F8: variants seen among roughly 807,000 people sequenced by gnomAD.
The protein encoded by F8 is antihemophilic factor.
A neutral mutation model predicts 140.6 loss-of-function variants in F8; 12 were observed. The ratio of observed to expected loss-of-function variants is 0.09; its 90% CI spans 0.05 to 0.14. The LOEUF (loss-of-function observed/expected upper bound fraction) is 0.14. F8 is among the 10% of genes least tolerant of loss of function. The probability of loss-of-function intolerance (pLI) is 1.00; values close to 1 mark genes in which losing one functional copy is unlikely to be tolerated. For synonymous variants in F8, 585 were observed against 614.6 expected (o/e 0.95, Z 0.71); for missense variants, 1,354 against 1,720.7 (o/e 0.79, Z 3.77).
chrX:154,947,412 G>A (rs1205236621), intron 13 of F8, among the ~76,000 whole-genome samples: 4 of 110,658 alleles, frequency 3.6e-5, no homozygotes, highest in African/African-American at 1.3e-4. Flanking sequence ...GTGGCAAAAG[G>A]GGAATGCTTG....
At chrX:154,867,018 C>T (rs28871891) in intron 22 of F8, among the ~76,000 whole-genome samples, 1,387 of 111,340 alleles carry the variant, frequency 0.012, 23 homozygotes, top group African/African-American at 0.043. Context: ...AGAGGAGACA[C>T]TACAACTGAT....
intron 25 of F8, among the ~76,000 whole-genome samples, chrX:154,845,421 C>T (rs2072557619): frequency 9.0e-6 from 1 of 111,572 alleles, no homozygotes; most frequent in South Asian, 3.7e-4. Flanking sequence ...CCGTCTGGTC[C>T]TGGACTTTTT....
At chrX:154,881,424 C>T (rs1557274417) in intron 22 of F8, among the ~76,000 whole-genome samples, 2 of 98,971 alleles carry the variant, frequency 2.0e-5, no homozygotes, top group Non-Finnish European at 4.0e-5. Context: ...ACACATTGTC[C>T]TCCAAGAAGC....
At chrX:154,920,681 G>A (rs1213119498) in intron 14 of F8, among the ~76,000 whole-genome samples, 1 of 111,121 alleles carries the variant, frequency 9.0e-6, no homozygotes, top group Admixed American at 9.6e-5. Context: ...TCAAATGCCT[G>A]GGCTCAAGTG....
At chrX:154,993,246 C>G in intron 3 of F8, 98 bp from the exon 4 acceptor site, 2 of 713,327 alleles carry the variant, frequency 2.8e-6, no homozygotes, top group Non-Finnish European at 2.1e-6. Flanking sequence ...ACATAAGAAA[C>G]GGACTTTCTG....
chrX:154,908,131 T>A (rs921320150), intron 14 of F8, among the ~76,000 whole-genome samples: 17 of 112,135 alleles, frequency 1.5e-4, no homozygotes, highest in African/African-American at 5.2e-4. Flanking sequence ...TGTGAATGGA[T>A]TTTTGTGTAT....
intron 9 of F8, among the ~76,000 whole-genome samples, chrX:154,961,760 G>A (rs1387598123): frequency 9.0e-6 from 1 of 110,838 alleles, no homozygotes; most frequent in Non-Finnish European, 1.9e-5. Context: ...ATGGGAGATC[G>A]GGCATGCCTT....
At chrX:155,021,098 C>T (rs781970624) in intron 1 of F8, among the ~76,000 whole-genome samples, 2 of 111,728 alleles carry the variant, frequency 1.8e-5, no homozygotes, top group African/African-American at 6.5e-5. Flanking sequence ...CTTATATAGC[C>T]AATAAAAATA....
intron 13 of F8, among the ~76,000 whole-genome samples, chrX:154,937,460 C>T (rs1242741403): frequency 9.3e-6 from 1 of 108,093 alleles, no homozygotes; most frequent in Non-Finnish European, 1.9e-5. Context: ...GGAGATATAC[C>T]TAATGCTAGA....
intron 1 of F8, among the ~76,000 whole-genome samples, chrX:155,004,247 C>G (rs782204452): frequency 6.3e-5 from 7 of 111,266 alleles, no homozygotes; most frequent in Non-Finnish European, 1.3e-4. Context: ...AAGTATCCTT[C>G]AAAAATGAAG....
At chrX:155,004,933 G>A (rs1051193422) in intron 1 of F8, among the ~76,000 whole-genome samples, 3 of 111,496 alleles carry the variant, frequency 2.7e-5, no homozygotes, top group Middle Eastern at 4.6e-3. Context: ...AATGGCCATC[G>A]TTTAGTGGGG....
At chrX:154,893,547 C>T (rs1603432686) in intron 22 of F8, among the ~76,000 whole-genome samples, 2 of 111,475 alleles carry the variant, frequency 1.8e-5, no homozygotes, top group East Asian at 2.8e-4. Flanking sequence ...GGTGGATATG[C>T]GATTTGCTTA....
chrX:155,015,398 G>C (rs182977451), intron 1 of F8, among the ~76,000 whole-genome samples: 56 of 111,561 alleles, frequency 5.0e-4, no homozygotes, highest in African/African-American at 1.5e-3. Flanking sequence ...ACACCATTTG[G>C]AAAATGAAAA....
intron 23 of F8, 57 bp from the exon 24 acceptor site, chrX:154,861,923 C>T (rs2072694896): frequency 1.5e-5 from 17 of 1,138,692 alleles, no homozygotes; most frequent in Non-Finnish European, 1.8e-5. Flanking sequence ...CTCAGTTATA[C>T]TGAGCAGCTT....
intron 13 of F8, among the ~76,000 whole-genome samples, chrX:154,941,276 A>T (rs2124070764): frequency 8.9e-6 from 1 of 111,873 alleles, no homozygotes; most frequent in East Asian, 2.8e-4. Context: ...AACCCATCTC[A>T]CGTGCAGAAA....
intron 14 of F8, among the ~76,000 whole-genome samples, chrX:154,908,484 C>T (rs1278939243): frequency 8.9e-6 from 1 of 112,172 alleles, no homozygotes. Context: ...ACAAAAGGAA[C>T]GTCTTGGGAT....
intron 9 of F8, among the ~76,000 whole-genome samples, chrX:154,962,996 G>A (rs2073404564): frequency 9.0e-6 from 1 of 111,420 alleles, no homozygotes; most frequent in African/African-American, 3.3e-5. Context: ...TCTGAGGTGT[G>A]TGATATGAGG....
chrX:155,006,128 T>A (rs1269657165), intron 1 of F8, among the ~76,000 whole-genome samples: 1 of 112,508 alleles, frequency 8.9e-6, no homozygotes, highest in African/African-American at 3.2e-5. Flanking sequence ...ATGTGAACAA[T>A]GTTGGAAACA....
intron 16 of F8, 43 bp from the exon 17 acceptor site, chrX:154,904,567 A>T: frequency 9.2e-7 from 1 of 1,090,031 alleles, no homozygotes; most frequent in Non-Finnish European, 1.3e-6. Flanking sequence ...AAGCTCTCTC[A>T]CCTATGAACC....
Sources: gnomAD v4.1 joint callset for allele counts (sites outside exome capture counted in the v4.1 genomes callset) on GRCh38, gnomAD v4.1.1 for gene constraint, MANE v1.5 for transcripts, NCBI Gene and HGNC (gene_info 2026-07-23, HGNC 2026-07-21) for gene names.